The following PALD1 variants were observed in gnomAD, a reference collection of about 807,000 sequenced individuals.
The protein encoded by PALD1 is phosphatase domain containing paladin 1.
Under a neutral mutation model 96.0 loss-of-function variants are expected in PALD1, and 57 were observed. That is an observed-to-expected ratio of 0.59 (90% CI 0.48 to 0.74). PALD1 has a LOEUF of 0.74. Among genes scored for constraint, PALD1 ranks in the 30% least tolerant of loss-of-function variants. The pLI, the probability that PALD1 is intolerant of heterozygous loss-of-function variation, is 0.00. For synonymous variants in PALD1, 464 were observed against 473.6 expected, an observed-to-expected ratio of 0.98 and a Z score of 0.26; for missense variants, 1,063 against 1,143.7, an observed-to-expected ratio of 0.93 and a Z score of 1.02.
chr10:70,482,890 A>G (rs1389855154), intron 1 of PALD1, among the ~76,000 whole-genome samples: 4 of 152,124 alleles, frequency 2.6e-5, no homozygotes, highest in Non-Finnish European at 5.9e-5. Flanking sequence ...TTAGGTGCTT[A>G]TGTTATTACC....
chr10:70,533,553 T>A (rs1847041524), intron 7 of PALD1, among the ~76,000 whole-genome samples: 1 of 152,194 alleles, frequency 6.6e-6, no homozygotes, highest in African/African-American at 2.4e-5. Context: ...CTTTCTTTAG[T>A]GGAGCTAACG....
intron 18 of PALD1, among the ~76,000 whole-genome samples, chr10:70,548,335 T>C (rs1211698353): frequency 6.6e-6 from 1 of 152,230 alleles, no homozygotes; most frequent in East Asian, 1.9e-4. Context: ...CCAGATTTCA[T>C]GTAACCATCT....
In PALD1 at chr10:70,543,912, C is replaced by T. The variant is rs117439590; in HGVS notation, c.2121+2378C>T. Among the ~76,000 whole-genome samples the T allele has an allele frequency of 6.2e-4, 95 of 152,248 alleles. No homozygotes were observed. In the East Asian group the frequency reaches 0.011, roughly 18 times the overall value. ...AGACAAGTTTATTACCCTAGGGCCA[C>T]ATCAGAGAGGTGGGGCTGGGGTATA... On this transcript the variant is annotated intron_variant, in intron 17 of 19. Transcript: ENST00000263563.
upstream of PALD1, among the ~76,000 whole-genome samples, chr10:70,474,020 C>T (rs935485140): frequency 3.9e-5 from 6 of 152,176 alleles, no homozygotes; most frequent in Non-Finnish European, 7.3e-5. Flanking sequence ...CTGCTTTTCT[C>T]TCCTGATCTG....
At position 70,541,121 on chromosome 10, in the gene PALD1, A is replaced by T; in HGVS notation, c.1928A>T (p.Glu643Val). 1 of 1,608,522 alleles carries T rather than the reference A, an allele frequency of 6.2e-7. No homozygotes were observed. The highest frequency in any genetic ancestry group is 8.5e-7 in the Non-Finnish European group (1 of 1,178,108). Residue 643 changes from glutamate to valine, a missense_variant, in exon 16 of 20, where the codon GAG becomes GTG. By Grantham distance (121) the Glu-to-Val change is moderately radical. Coordinates refer to ENST00000263563, the MANE Select transcript of PALD1 (RefSeq NM_014431.3). ...GTCCAGGACTTTGACCAGCTGCTGG[A>T]GGCCCTGCGGGCCGCCCTCTCCAAG... ...PREEDFDQLL[E>V]ALRAALSKDP...
chr10:70,471,522 C>T, the PALD1 span, among the ~76,000 whole-genome samples: 1 of 152,204 alleles, frequency 6.6e-6, no homozygotes, highest in African/African-American at 2.4e-5. Context: ...TTTTTCTCAG[C>T]TCACATACAT....
chr10:70,530,577 A>T (rs748051171), intron 4 of PALD1, among the ~76,000 whole-genome samples: 7 of 152,148 alleles, frequency 4.6e-5, no homozygotes, highest in Non-Finnish European at 1.0e-4. Flanking sequence ...GCCTGCTTTC[A>T]AGGACTGTTC....
intron 18 of PALD1, among the ~76,000 whole-genome samples, chr10:70,548,747 C>T (rs1261185766): frequency 6.6e-6 from 1 of 152,218 alleles, no homozygotes; most frequent in Non-Finnish European, 1.5e-5. Context: ...TGTAGCTGTG[C>T]ACACATTGGG....
intron 1 of PALD1, among the ~76,000 whole-genome samples, chr10:70,496,787 T>G (rs1027054103): frequency 5.3e-5 from 8 of 152,112 alleles, no homozygotes; most frequent in African/African-American, 1.9e-4. Context: ...AACTGCTGGG[T>G]GCTGGGGTAG....
chr10:70,518,624 ATT>A (rs1846661971), intron 1 of PALD1, among the ~76,000 whole-genome samples: 1 of 152,204 alleles, frequency 6.6e-6, no homozygotes, highest in African/African-American at 2.4e-5. Flanking sequence ...CCATCTTTAC[ATT>A]TTAAAAAAAT....
the PALD1 span, among the ~76,000 whole-genome samples, chr10:70,465,982 T>C: frequency 6.6e-6 from 1 of 152,156 alleles, no homozygotes. Context: ...ACTGGAAGTC[T>C]CTTGGCCTTC....
Position 70,534,773 on chromosome 10 carries a change from A to G in PALD1, c.1157A>G (p.His386Arg), listed in dbSNP as rs1204568874. The change falls in exon 10 of 20, where the codon CAT becomes CGT. Residue 386 changes from histidine to arginine, a missense_variant. Physicochemically the swap from His to Arg is conservative, Grantham distance 29 (BLOSUM62 0). Transcript: ENST00000263563. ...DRAITACAEL[H>R]DLKEVVLENQ... The stretch of plus-strand genomic sequence containing the variant: ...GCCATCACTGCCTGTGCCGAGTTGC[A>G]TGACCTGAAAGAAGTGGTCTTGGAA... The G allele has an allele frequency of 3.1e-6, 5 of 1,610,898 alleles. No individual in the cohort carries two copies. The African/African-American group carries it at 5.4e-5, about 17-fold the overall frequency.
In PALD1 at chr10:70,539,185, T is replaced by C; in HGVS notation, c.1663T>C (p.Cys555Arg). 6.2e-7 allele frequency: 1 copy of C among 1,612,978 alleles called. No homozygotes were observed. Among genetic ancestry groups the C allele is most frequent in the African/African-American group, 1.3e-5 (1 of 74,990 alleles). Residue 555 changes from cysteine (C) to arginine (R), a missense_variant, in exon 14 of 20, where the codon TGT becomes CGT. Physicochemically the swap from Cys to Arg is radical, Grantham distance 180. Coordinates refer to ENST00000263563, the MANE Select transcript of PALD1 (RefSeq NM_014431.3). This position sits in a 1 kb window ranked among gnomAD's most constrained non-coding sequence, Gnocchi z 4.5. Reference sequence around the variant, plus strand: ...CCTTCGGGAGGAGGCCGTGTTGGAGTGTGACGGGCACACCTACAGCCTGCG... The same window carrying C: ...CCTTCGGGAGGAGGCCGTGTTGGAGCGTGACGGGCACACCTACAGCCTGCG... Reference protein sequence around the residue: ...VSLREEAVLECDGHTYSLRWP... With the variant: ...VSLREEAVLERDGHTYSLRWP...
chr10:70,566,437 G>A (rs748749822), intron 19 of PALD1, 144 bp from the exon 20 acceptor site: 39 of 651,632 alleles, frequency 6.0e-5, no homozygotes, highest in Non-Finnish European at 9.0e-5. Context: ...GGAAACTGAC[G>A]CTCAGAGAAG....
chr10:70,487,526 A>T (rs1471271738), intron 1 of PALD1, among the ~76,000 whole-genome samples: 1 of 152,016 alleles, frequency 6.6e-6, no homozygotes, highest in African/African-American at 2.4e-5. Context: ...ATCCATTTAA[A>T]TAAAATAAAC....
chr10:70,474,814 T>C (rs1277179144), upstream of PALD1, among the ~76,000 whole-genome samples: 1 of 152,138 alleles, frequency 6.6e-6, no homozygotes, highest in East Asian at 1.9e-4. Flanking sequence ...TAACTGAACA[T>C]GTATCCTGCG....
chr10:70,563,299 C>T (rs968895881), intron 18 of PALD1, among the ~76,000 whole-genome samples: 8 of 152,184 alleles, frequency 5.3e-5, no homozygotes, highest in Non-Finnish European at 8.8e-5. Context: ...CTCTCAGCCC[C>T]CAAACTCCAG....
intron 18 of PALD1, among the ~76,000 whole-genome samples, chr10:70,560,748 T>G (rs2394730): frequency 0.52 from 79,608 of 151,682 alleles, 21,888 homozygotes; most frequent in East Asian, 0.77. Flanking sequence ...AGGCTTGAGA[T>G]GCCCGAAGTA....
intron 1 of PALD1, among the ~76,000 whole-genome samples, chr10:70,518,915 G>T (rs1257776165): frequency 6.6e-6 from 1 of 152,190 alleles, no homozygotes; most frequent in Non-Finnish European, 1.5e-5. Flanking sequence ...ACATCTCTGT[G>T]TGTTCACAAC....
Sources: allele counts gnomAD v4.1 joint callset (sites outside exome capture counted in the v4.1 genomes callset), GRCh38; gene constraint gnomAD v4.1.1; non-coding constraint Gnocchi (gnomAD v3.1); transcripts MANE v1.5; gene names NCBI Gene and HGNC (gene_info 2026-07-23, HGNC 2026-07-21).